Variants in PARVA observed in about 807,000 individuals in gnomAD.
The protein encoded by PARVA is parvin alpha.
In PARVA, 25 loss-of-function variants were observed where a neutral mutation model predicts 52.6. The observed-to-expected ratio is 0.48, with a 90% CI of 0.35 to 0.66. PARVA has a LOEUF of 0.66. Ranked by LOEUF, PARVA falls within the 30% of genes least tolerant of loss-of-function variation. The probability of loss-of-function intolerance (pLI) is 0.01; values close to 1 mark genes in which losing one functional copy is unlikely to be tolerated. For missense variants in PARVA, 373 were observed against 450.9 expected (o/e 0.83, Z 1.56); for synonymous variants, 185 against 179.1 (o/e 1.03, Z -0.26).
At chr11:12,471,356 C>G (rs530317043) in intron 1 of PARVA, among the ~76,000 whole-genome samples, 4 of 10,776 alleles carry the variant, frequency 3.7e-4, no homozygotes, top group Non-Finnish European at 0.012. Context: ...AGGACATTAT[C>G]CACTTACTCT....
chr11:12,508,603 A>G lies in PARVA; in HGVS notation c.677A>G (p.Gln226Arg), dbSNP rs759540544. 29 of 1,609,436 alleles carry G rather than the reference A, an allele frequency of 1.8e-5. No homozygotes were observed. The highest frequency in any genetic ancestry group is 2.5e-5 in the Non-Finnish European group (29 of 1,177,868). The change falls in exon 7 of 13, where the codon CAG (glutamine) becomes CGG (arginine). Residue 226 changes from glutamine (Q) to arginine (R), a missense_variant. Coordinates refer to ENST00000334956, the MANE Select transcript of PARVA (RefSeq NM_018222.5). ...TTTCAGAAACGAGAAGGAATCCTCC[A>G]GTCTCGGCAAATCCAAGAGGAAATA... Reference protein sequence around the residue: ...VVVQKREGILQSRQIQEEITG... With the variant: ...VVVQKREGILRSRQIQEEITG...
At chr11:12,418,379 G>T (rs1414300847) in intron 1 of PARVA, among the ~76,000 whole-genome samples, 2 of 152,168 alleles carry the variant, frequency 1.3e-5, no homozygotes, top group Non-Finnish European at 2.9e-5. Context: ...CTGCTTGAGG[G>T]CCGTAGTGGT....
At chr11:12,405,046 C>A (rs1242817254) in intron 1 of PARVA, among the ~76,000 whole-genome samples, 1 of 152,158 alleles carries the variant, frequency 6.6e-6, no homozygotes, top group African/African-American at 2.4e-5. Context: ...CCCTTTTAGC[C>A]TCAGTTTCCT....
chr11:12,439,996 G>C (rs747178051), intron 1 of PARVA, among the ~76,000 whole-genome samples: 1 of 152,124 alleles, frequency 6.6e-6, no homozygotes, highest in African/African-American at 2.4e-5. Flanking sequence ...ACCTGTCACT[G>C]CTGGCGTAGC....
At chr11:12,442,336 G>T (rs1160073428) in intron 1 of PARVA, among the ~76,000 whole-genome samples, 2 of 152,220 alleles carry the variant, frequency 1.3e-5, no homozygotes, top group Non-Finnish European at 2.9e-5. Flanking sequence ...AGATGCATAT[G>T]TAAGCTTTGG....
intron 1 of PARVA, among the ~76,000 whole-genome samples, chr11:12,463,713 C>T (rs1259301791): frequency 2.0e-5 from 3 of 152,140 alleles, no homozygotes; most frequent in Admixed American, 1.3e-4. Flanking sequence ...AGTTATGCTC[C>T]ATTCTTTCAG....
intron 1 of PARVA, among the ~76,000 whole-genome samples, chr11:12,378,512 T>C (rs2134937907): frequency 6.6e-6 from 1 of 151,856 alleles, no homozygotes; most frequent in South Asian, 2.1e-4. Flanking sequence ...AACTCAGGCA[T>C]TCAGGGCTTT....
At chr11:12,473,609 G>T in intron 1 of PARVA, 136 bp from the exon 2 acceptor site, 2 of 674,634 alleles carry the variant, frequency 3.0e-6, no homozygotes, top group South Asian at 1.8e-5. Flanking sequence ...TGAATTGATC[G>T]TAGGCTGAGT....
At chr11:12,415,241 G>A (rs774148260) in intron 1 of PARVA, among the ~76,000 whole-genome samples, 2 of 152,180 alleles carry the variant, frequency 1.3e-5, no homozygotes, top group Non-Finnish European at 2.9e-5. Context: ...AGGCTCATGG[G>A]AGCAAAGATG....
intron 10 of PARVA, among the ~76,000 whole-genome samples, chr11:12,517,320 A>ACCCCCCC (rs1466337705): frequency 2.0e-4 from 11 of 55,656 alleles, no homozygotes; most frequent in South Asian, 7.5e-4. Flanking sequence ...CCCACCCCCC[A>ACCCCCCC]CCCCCCACCA....
At position 12,534,985 on chromosome 11, in the gene PARVA, TAGTG is replaced by T. The variant is rs1196224387; in HGVS notation, c.*7063_*7066del. On this transcript the variant is annotated 3_prime_UTR_variant, in exon 13 of 13. Coordinates refer to ENST00000334956, the MANE Select transcript of PARVA (RefSeq NM_018222.5). ...TGACTTAAAATGATGGACAATAAGA[TAGTG>T]AGCAGTAAGTGTGCTCTAGGCTAGG... 1.3e-5 allele frequency among the ~76,000 whole-genome samples: 2 copies of T among 152,206 alleles called. No individual in the cohort carries two copies. The highest frequency in any genetic ancestry group is 2.9e-5 in the Non-Finnish European group (2 of 68,044).
At position 12,527,876 on chromosome 11, in the gene PARVA, C is replaced by T; in HGVS notation, c.1070C>T (p.Thr357Ile). The change falls in exon 13 of 13, where the codon ACA becomes ATA. Residue 357 changes from threonine to isoleucine, a missense_variant. Transcript: ENST00000334956. ...ATAGTCAACTGTGACCTGAAATCTACACTACGAGTGTTGTACAACCTCTTC... is the reference window on the plus strand; with the variant it reads ...ATAGTCAACTGTGACCTGAAATCTATACTACGAGTGTTGTACAACCTCTTC... ...EDIVNCDLKS[T>I]LRVLYNLFTK... 1 of 1,613,518 alleles carries T rather than the reference C, an allele frequency of 6.2e-7. No homozygotes were observed. Among genetic ancestry groups the T allele is most frequent in the Non-Finnish European group, 8.5e-7 (1 of 1,179,678 alleles).
At chr11:12,381,149 T>G (rs1470376070) in intron 1 of PARVA, among the ~76,000 whole-genome samples, 1 of 152,204 alleles carries the variant, frequency 6.6e-6, no homozygotes, top group Non-Finnish European at 1.5e-5. Flanking sequence ...TGGGTTGGTT[T>G]GAAATGACTG....
At chr11:12,486,599 A>ACTT (rs1208727158) in intron 4 of PARVA, among the ~76,000 whole-genome samples, 1 of 152,238 alleles carries the variant, frequency 6.6e-6, no homozygotes, top group East Asian at 1.9e-4. Context: ...TAATCCCAGC[A>ACTT]CTTTAGGAGG....
intron 1 of PARVA, among the ~76,000 whole-genome samples, chr11:12,397,819 CTTTT>C (rs569053771): frequency 7.3e-6 from 1 of 136,160 alleles, no homozygotes; most frequent in African/African-American, 2.7e-5. Context: ...GGGGGAAGGT[CTTTT>C]TTTTTTTTTT....
At chr11:12,433,190 C>G (rs1244609986) in intron 1 of PARVA, among the ~76,000 whole-genome samples, 1 of 152,174 alleles carries the variant, frequency 6.6e-6, no homozygotes, top group East Asian at 1.9e-4. Flanking sequence ...CCTTACCCAG[C>G]TGAAACTTTC....
chr11:12,518,468 T>C lies in PARVA; in HGVS notation c.993T>C (p.Phe331=), dbSNP rs1365212030. ...AGGTCTTGAATGTCTCCTTTGCCTT[T>C]GAGCTCATGCAAGATGGAGGGTTGG... The part of the protein sequence containing the change: ...EQKVLNVSFA[F]ELMQDGGLEK... Residue 331 remains phenylalanine (F), a synonymous_variant, in exon 12 of 13, where the codon TTT becomes TTC. Transcript: ENST00000334956. 1 of 1,613,518 alleles carries C rather than the reference T, an allele frequency of 6.2e-7. No individual in the cohort carries two copies. Among genetic ancestry groups the C allele is most frequent in the Non-Finnish European group, 8.5e-7 (1 of 1,179,518 alleles).
intron 1 of PARVA, among the ~76,000 whole-genome samples, chr11:12,464,170 T>C (rs1038344037): frequency 3.3e-5 from 5 of 152,170 alleles, no homozygotes; most frequent in African/African-American, 1.2e-4. Context: ...ATCTAGGCCC[T>C]CTCAGTTAAC....
chr11:12,404,392 C>G (rs1589944695), intron 1 of PARVA, among the ~76,000 whole-genome samples: 1 of 151,862 alleles, frequency 6.6e-6, no homozygotes, highest in South Asian at 2.1e-4. Flanking sequence ...CATGAGGGCC[C>G]CAAAAAAGGG....
Sources: gnomAD v4.1 joint callset for allele counts (sites outside exome capture counted in the v4.1 genomes callset) on GRCh38, gnomAD v4.1.1 for gene constraint, MANE v1.5 for transcripts, NCBI Gene and HGNC (gene_info 2026-07-23, HGNC 2026-07-21) for gene names.